The following CNTNAP2 variants were observed in gnomAD, a reference collection of about 807,000 sequenced individuals.
CNTNAP2 encodes the protein contactin associated protein 2.
CNTNAP2 carries 98 observed loss-of-function variants against 155.2 expected under a neutral mutation model. The ratio of observed to expected loss-of-function variants is 0.63; its 90% CI spans 0.54 to 0.75. The LOEUF is 0.75. Among genes scored for constraint, CNTNAP2 ranks in the 30% least tolerant of loss-of-function variants. CNTNAP2 has a pLI of 0.00. For missense variants in CNTNAP2, 1,727 were observed against 1,688.1 expected, an observed-to-expected ratio of 1.02 and a Z score of -0.40; for synonymous variants, 651 against 631.2, an observed-to-expected ratio of 1.03 and a Z score of -0.47.
intron 1 of CNTNAP2, among the ~76,000 whole-genome samples, chr7:146,553,348 T>C (rs972104550): frequency 6.6e-6 from 1 of 152,030 alleles, no homozygotes; most frequent in Non-Finnish European, 1.5e-5. Context: ...TTTTGAGCTC[T>C]GAGAATATCA....
At position 147,441,953 on chromosome 7, in the gene CNTNAP2, G is replaced by T. The variant is rs367982610; in HGVS notation, c.1671-43982G>T. On this transcript the variant is annotated intron_variant, in intron 10 of 23. Coordinates refer to ENST00000361727, the MANE Select transcript of CNTNAP2 (RefSeq NM_014141.6). ...AGCACCCCTATGGCAACCACCACTA[G>T]GTGGACCTGAAGCCAGCACAGCACT... Among the ~76,000 whole-genome samples the T allele has an allele frequency of 2.7e-5, 4 of 147,880 alleles. No homozygotes were observed. In the East Asian group the frequency reaches 6.6e-4, roughly 24 times the overall value.
At chr7:147,835,525 T>C (rs1378938213) in intron 13 of CNTNAP2, among the ~76,000 whole-genome samples, 2 of 152,172 alleles carry the variant, frequency 1.3e-5, no homozygotes, top group African/African-American at 2.4e-5. Context: ...ATGAGCAGTA[T>C]TGAGGTTAAT....
At chr7:146,841,920 T>C (rs1049551054) in intron 3 of CNTNAP2, among the ~76,000 whole-genome samples, 5 of 151,886 alleles carry the variant, frequency 3.3e-5, no homozygotes, top group African/African-American at 4.8e-5. Context: ...TTTGCTCTTG[T>C]TGCCCAGGCT....
intron 3 of CNTNAP2, among the ~76,000 whole-genome samples, chr7:146,971,806 A>C (rs1483855492): frequency 6.6e-6 from 1 of 152,122 alleles, no homozygotes; most frequent in Non-Finnish European, 1.5e-5. Context: ...TAATACCCCC[A>C]CCTGCTAATA....
intron 4 of CNTNAP2, among the ~76,000 whole-genome samples, chr7:147,079,184 CCTCA>C (rs1800061844): frequency 6.6e-6 from 1 of 152,100 alleles, no homozygotes; most frequent in Non-Finnish European, 1.5e-5. Flanking sequence ...CTGATTTAAT[CCTCA>C]CTAACTGTGC....
At chr7:147,663,974 TG>T (rs1326772273) in intron 13 of CNTNAP2, among the ~76,000 whole-genome samples, 5 of 152,244 alleles carry the variant, frequency 3.3e-5, no homozygotes, top group Non-Finnish European at 7.3e-5. Context: ...TTAAGCTCTC[TG>T]GAAAATAAAA....
chr7:147,190,112 T>G (rs1394041849), intron 8 of CNTNAP2, among the ~76,000 whole-genome samples: 3 of 152,114 alleles, frequency 2.0e-5, no homozygotes, highest in African/African-American at 7.2e-5. Flanking sequence ...TTCAGTCCAT[T>G]GTCTGGCACA....
chr7:147,225,746 GGAAGGAAGGAA>G (rs1803507760), intron 8 of CNTNAP2, among the ~76,000 whole-genome samples: 1 of 12,694 alleles, frequency 7.9e-5, no homozygotes. Flanking sequence ...AAGGAAAGAA[GGAAGGAAGGAA>G]GGAAGGAAGG....
At chr7:146,677,830 C>T (rs537480734) in intron 1 of CNTNAP2, among the ~76,000 whole-genome samples, 16 of 152,062 alleles carry the variant, frequency 1.1e-4, no homozygotes, top group African/African-American at 3.6e-4. Flanking sequence ...GGTGAAGCAG[C>T]TAATCAGGAA....
intron 1 of CNTNAP2, among the ~76,000 whole-genome samples, chr7:146,735,780 T>C (rs1056055954): frequency 4.9e-5 from 7 of 142,414 alleles, no homozygotes; most frequent in Non-Finnish European, 7.4e-5. Flanking sequence ...TAGGGAGAGA[T>C]TGGTTAACAG....
At chr7:146,943,775 A>G (rs1797102696) in intron 3 of CNTNAP2, among the ~76,000 whole-genome samples, 1 of 152,140 alleles carries the variant, frequency 6.6e-6, no homozygotes, top group South Asian at 2.1e-4. Flanking sequence ...ACAGTATTGC[A>G]CTAAAAATGA....
chr7:147,369,473 T>A (rs1332623658), intron 9 of CNTNAP2, among the ~76,000 whole-genome samples: 4 of 152,250 alleles, frequency 2.6e-5, no homozygotes, highest in African/African-American at 9.6e-5. Flanking sequence ...GTACGATGAA[T>A]TCTATAGTAA....
At position 147,120,969 on chromosome 7, in the gene CNTNAP2, G is replaced by A. The variant is rs1300971910; in HGVS notation, c.755-10G>A. 6.2e-7 allele frequency: 1 copy of A among 1,612,986 alleles called. No individual in the cohort carries two copies. The highest frequency in any genetic ancestry group is 1.3e-5 in the African/African-American group (1 of 75,016). ...ATTGCATTGTTTCTTTTTCACTTCT[G>A]TGTACGCAGGAAGCAACCAGCTTGG... On this transcript the variant is annotated splice_polypyrimidine_tract_variant and intron_variant, in intron 5 of 23. Coordinates refer to ENST00000361727, the MANE Select transcript of CNTNAP2 (RefSeq NM_014141.6).
At chr7:146,432,649 A>G (rs1489203388) in intron 1 of CNTNAP2, among the ~76,000 whole-genome samples, 1 of 152,162 alleles carries the variant, frequency 6.6e-6, no homozygotes, top group African/African-American at 2.4e-5. Flanking sequence ...GTCTTTCCTC[A>G]TTTGCTAAAA....
chr7:146,468,531 G>T (rs1359386622), intron 1 of CNTNAP2, among the ~76,000 whole-genome samples: 2 of 152,144 alleles, frequency 1.3e-5, no homozygotes, highest in Non-Finnish European at 2.9e-5. Context: ...TCAAGGAAAT[G>T]TCAAAAGACT....
chr7:146,439,957 C>G (rs1292531377), intron 1 of CNTNAP2, among the ~76,000 whole-genome samples: 1 of 151,406 alleles, frequency 6.6e-6, no homozygotes, highest in Non-Finnish European at 1.5e-5. Context: ...AACCCTGTCT[C>G]TACTAAAAAT....
chr7:147,772,483 T>TACAC (rs1554432818), intron 13 of CNTNAP2, among the ~76,000 whole-genome samples: 2 of 90,266 alleles, frequency 2.2e-5, no homozygotes, highest in Admixed American at 2.3e-4. Flanking sequence ...TATATATATA[T>TACAC]ACACACACAA....
At chr7:146,567,415 A>G (rs907615098) in intron 1 of CNTNAP2, among the ~76,000 whole-genome samples, 4 of 152,180 alleles carry the variant, frequency 2.6e-5, no homozygotes, top group Admixed American at 6.5e-5. Context: ...AAAATCAATC[A>G]ATTTAATTAT....
At chr7:147,690,701 G>T (rs1464991234) in intron 13 of CNTNAP2, among the ~76,000 whole-genome samples, 1 of 152,034 alleles carries the variant, frequency 6.6e-6, no homozygotes, top group African/African-American at 2.4e-5. Flanking sequence ...ATGTATATAT[G>T]CTTTTCTTTT....
Sources: allele counts gnomAD v4.1 joint callset (sites outside exome capture counted in the v4.1 genomes callset), GRCh38; gene constraint gnomAD v4.1.1; transcripts MANE v1.5; gene names NCBI Gene and HGNC (gene_info 2026-07-23, HGNC 2026-07-21).